COX7A2: variants seen among roughly 807,000 people sequenced by gnomAD.
COX7A2 encodes cytochrome c oxidase subunit 7A2, mitochondrial.
In COX7A2, 11 loss-of-function variants were observed where a neutral mutation model predicts 11.6. The observed-to-expected ratio is 0.95, with a 90% CI of 0.60 to 1.57. The LOEUF is 1.57. Among genes scored for constraint, COX7A2 ranks in the 40% most tolerant of loss-of-function variants. COX7A2 has a pLI of 0.00. For missense variants in COX7A2, 106 were observed against 100.9 expected (o/e 1.05, Z -0.22); for synonymous variants, 30 against 38.2 (o/e 0.78, Z 0.79).
At chr6:75,239,587 T>C (rs1771426771) in intron 3 of COX7A2, among the ~76,000 whole-genome samples, 1 of 152,268 alleles carries the variant, frequency 6.6e-6, no homozygotes, top group Admixed American at 6.5e-5. Context: ...TATTGTTCTG[T>C]ACAAATTTTG....
chr6:75,238,117 T>C, intron 3 of COX7A2, 129 bp from the exon 4 acceptor site: 2 of 460,736 alleles, frequency 4.3e-6, no homozygotes, highest in Admixed American at 3.8e-5. Flanking sequence ...AAAAGTATTT[T>C]GATAGGTGCT....
rs561994037 is a variant in COX7A2 at position 75,243,646 on chromosome 6, CTGTCGTGG to C, written c.18+63_18+70del. 196 of 1,473,138 alleles carry C rather than the reference CTGTCGTGG, an allele frequency of 1.3e-4. 1 individual carries two copies. The South Asian group carries it at 2.0e-3, about 15-fold the overall frequency. 91.3% of individuals were successfully genotyped at this position (1,473,138 alleles called of 1,614,324 possible). On this transcript the variant is annotated intron_variant, in intron 1 of 3. Coordinates refer to ENST00000684430, the MANE Select transcript of COX7A2 (RefSeq NM_001366293.2). ...GGCACCCCTCCCAGGTGAGGGTTTTCTGTCGTGGTGCCTCAGCCTCCTCTCCACTCCCT... is the reference window on the plus strand; with the variant it reads ...GGCACCCCTCCCAGGTGAGGGTTTTCTGCCTCAGCCTCCTCTCCACTCCCT...
chr6:75,248,028 A>G (rs1771717219), upstream of COX7A2, among the ~76,000 whole-genome samples: 1 of 151,808 alleles, frequency 6.6e-6, no homozygotes, highest in Non-Finnish European at 1.5e-5. Context: ...CTCTCTCTGC[A>G]GTCCGCTGAG....
At chr6:75,245,352 G>T (rs192948931), upstream of COX7A2, among the ~76,000 whole-genome samples, 531 of 152,224 alleles carry the variant, frequency 3.5e-3, 6 homozygotes, top group Admixed American at 5.8e-3. Context: ...TAAGGCGGGC[G>T]TGGTGGCGGG....
intron 1 of COX7A2, chr6:75,249,946 G>C (rs1771754356): frequency 6.6e-6 from 1 of 152,198 alleles, no homozygotes; most frequent in Non-Finnish European, 1.5e-5. Context: ...GAGAGATGTA[G>C]ATAAGGGGAG....
chr6:75,249,625 G>A (rs1347128559), intron 1 of COX7A2, among the ~76,000 whole-genome samples: 1 of 152,172 alleles, frequency 6.6e-6, no homozygotes, highest in African/African-American at 2.4e-5. Flanking sequence ...GAAAAATCTA[G>A]GCAAAAGCTA....
intron 3 of COX7A2, among the ~76,000 whole-genome samples, chr6:75,238,595 T>C (rs1771389010): frequency 1.3e-5 from 2 of 150,102 alleles, no homozygotes; most frequent in African/African-American, 2.5e-5. Flanking sequence ...TCCCAGCTAC[T>C]TGGGAGGCTG....
At chr6:75,242,788 C>T (rs995027201) in intron 1 of COX7A2, among the ~76,000 whole-genome samples, 2 of 152,028 alleles carry the variant, frequency 1.3e-5, no homozygotes, top group African/African-American at 4.8e-5. Context: ...CACTGCACTC[C>T]AGCCTGGGCA....
In COX7A2 at chr6:75,237,833, A is replaced by C. The variant is rs1417730159; in HGVS notation, c.*97T>G. ...GGTGGCAGTTACTACAAGTCAATAAATATTGATCCCCAAAGAAGAGCTCGG... is the reference window on the plus strand; with the variant it reads ...GGTGGCAGTTACTACAAGTCAATAACTATTGATCCCCAAAGAAGAGCTCGG... On this transcript the variant is annotated 3_prime_UTR_variant, in exon 4 of 4. Transcript: ENST00000684430. 3 of 860,422 alleles carry C rather than the reference A, an allele frequency of 3.5e-6. No homozygotes were observed. The highest frequency in any genetic ancestry group is 5.6e-6 in the Non-Finnish European group (3 of 536,700). The allele number at this position is 860,422 out of a possible 1,614,324, so 53.3% of individuals were successfully genotyped here.
At chr6:75,239,771 A>G (rs888580042) in intron 3 of COX7A2, among the ~76,000 whole-genome samples, 3 of 152,224 alleles carry the variant, frequency 2.0e-5, no homozygotes, top group African/African-American at 7.2e-5. Flanking sequence ...ACTCTATCAC[A>G]ACATAATCAT....
At chr6:75,242,214 C>T (rs773615103) in intron 1 of COX7A2, among the ~76,000 whole-genome samples, 1 of 149,762 alleles carries the variant, frequency 6.7e-6, no homozygotes, top group South Asian at 2.1e-4. Flanking sequence ...AAAAAAAAAT[C>T]TGTTACTTGG....
At chr6:75,249,267 G>A (rs1289716361) in intron 1 of COX7A2, among the ~76,000 whole-genome samples, 4 of 152,140 alleles carry the variant, frequency 2.6e-5, no homozygotes, top group African/African-American at 7.2e-5. Flanking sequence ...GCAAGGTCTG[G>A]TAGAATAAAT....
At chr6:75,243,902 G>C (rs971517925), upstream of COX7A2, 2 of 1,393,764 alleles carry the variant, frequency 1.4e-6, no homozygotes, top group Non-Finnish European at 2.0e-6. Context: ...AGAAAAACTA[G>C]AGCGGCAGTA....
In COX7A2 at chr6:75,237,853, G is replaced by T; in HGVS notation, c.*77C>A. ...AATAAATATTGATCCCCAAAGAAGA[G>T]CTCGGTTATTTATCAGATTACTGGT... On this transcript the variant is annotated 3_prime_UTR_variant, in exon 4 of 4. Transcript: ENST00000684430. 2.7e-6 allele frequency: 3 copies of T among 1,097,662 alleles called. No individual in the cohort carries two copies. Among genetic ancestry groups the T allele is most frequent in the Non-Finnish European group, 2.7e-6 (2 of 732,270 alleles). 68.0% of individuals were successfully genotyped at this position (1,097,662 alleles called of 1,614,324 possible). A position where few individuals can be genotyped will look rare whatever the true frequency, so the allele number is the denominator to read the frequency against.
At chr6:75,241,123 CT>C in intron 2 of COX7A2, 52 bp downstream of exon 2, 1 of 1,559,728 alleles carries the variant, frequency 6.4e-7, no homozygotes, top group Non-Finnish European at 8.8e-7. Context: ...CAACTCTTAC[CT>C]TTTGGTAATC....
upstream of COX7A2, among the ~76,000 whole-genome samples, chr6:75,246,626 A>G (rs974032417): frequency 2.6e-5 from 4 of 152,230 alleles, no homozygotes; most frequent in African/African-American, 9.7e-5. Flanking sequence ...TAATTGGCAC[A>G]TAGAAAATGC....
chr6:75,241,259 G>GT lies in COX7A2; in HGVS notation c.24_25insA (p.Arg9ThrfsTer17). 1 of 1,527,356 alleles carries GT rather than the reference G, an allele frequency of 6.5e-7. No homozygotes were observed. The highest frequency in any genetic ancestry group is 8.9e-7 in the Non-Finnish European group (1 of 1,122,356). 94.6% of individuals were successfully genotyped at this position (1,527,356 alleles called of 1,614,324 possible). A position where few individuals can be genotyped will look rare whatever the true frequency, so the allele number is the denominator to read the frequency against. On this transcript the variant is annotated frameshift_variant, in exon 2 of 4. Coordinates refer to ENST00000684430, the MANE Select transcript of COX7A2 (RefSeq NM_001366293.2). LOFTEE classifies it high-confidence loss of function. ...CTTATCGTCCTCTGCCCAATCTGAC[G>GT]AAGAGCCTAAAATGAAAATATTATT... is the stretch of plus-strand genomic sequence containing the variant.
upstream of COX7A2, among the ~76,000 whole-genome samples, chr6:75,246,370 T>C (rs1771682299): frequency 6.6e-6 from 1 of 152,248 alleles, no homozygotes; most frequent in South Asian, 2.1e-4. Context: ...TTCTATTGGC[T>C]GCACCTTCAA....
intron 3 of COX7A2, among the ~76,000 whole-genome samples, 188 bp from the exon 4 acceptor site, chr6:75,238,176 A>C (rs1344449009): frequency 2.0e-5 from 3 of 152,118 alleles, no homozygotes; most frequent in African/African-American, 7.2e-5. Context: ...TCTAGTTTTA[A>C]TATAGAAAGT....
Sources: allele counts gnomAD v4.1 joint callset (sites outside exome capture counted in the v4.1 genomes callset), GRCh38; gene constraint gnomAD v4.1.1; transcripts MANE v1.5; gene names NCBI Gene and HGNC (gene_info 2026-07-23, HGNC 2026-07-21).